PCDH11X: variants seen among roughly 807,000 people sequenced by gnomAD.
PCDH11X encodes the protein protocadherin-11 X-linked.
In PCDH11X, 18 loss-of-function variants were observed where a neutral mutation model predicts 53.3. The observed-to-expected ratio is 0.34, with a 90% confidence interval of 0.23 to 0.50. The LOEUF (loss-of-function observed/expected upper bound fraction) is 0.50, where lower values mean the gene tolerates loss of function less well. Ranked by LOEUF, PCDH11X falls within the 20% of genes least tolerant of loss-of-function variation. PCDH11X has a pLI of 0.98. For missense variants in PCDH11X, 570 were observed against 1,032.4 expected, an observed-to-expected ratio of 0.55 and a Z score of 6.14; for synonymous variants, 279 against 393.3, an observed-to-expected ratio of 0.71 and a Z score of 3.44.
At chrX:92,265,634 C>CAT (rs754146890) in intron 8 of PCDH11X, among the ~76,000 whole-genome samples, 2 of 110,990 alleles carry the variant, frequency 1.8e-5, no homozygotes, top group South Asian at 7.6e-4. Flanking sequence ...TGTGTATACA[C>CAT]ATATATATAC....
chrX:92,167,157 A>G (rs2065748755), intron 6 of PCDH11X, among the ~76,000 whole-genome samples: 1 of 110,985 alleles, frequency 9.0e-6, no homozygotes, highest in Non-Finnish European at 1.9e-5. Flanking sequence ...AATATGAAGT[A>G]CTATATTAAT....
At position 92,016,490 on chromosome X, in the gene PCDH11X, G is replaced by A. The variant is rs757702732; in HGVS notation, c.3033+137217G>A. 1.4e-4 allele frequency among the ~76,000 whole-genome samples: 15 copies of A among 110,764 alleles called. No individual in the cohort carries two copies. The South Asian group carries it at 5.8e-3, about 43-fold the overall frequency. ...TTAATTATCTTAGCTAGATCTTCCGGATAACTTGCTGCAGCTTCTTTATAA... is the reference window on the plus strand; with the variant it reads ...TTAATTATCTTAGCTAGATCTTCCGAATAACTTGCTGCAGCTTCTTTATAA... On this transcript the variant is annotated intron_variant, in intron 6 of 10. Transcript: ENST00000682573.
At chrX:91,948,770 G>A (rs1413906501) in intron 6 of PCDH11X, among the ~76,000 whole-genome samples, 1 of 110,109 alleles carries the variant, frequency 9.1e-6, no homozygotes, top group Non-Finnish European at 1.9e-5. Flanking sequence ...GATATCCAAG[G>A]AGCAGCATGG....
intron 10 of PCDH11X, among the ~76,000 whole-genome samples, chrX:92,504,782 C>T (rs768780810): frequency 3.4e-4 from 38 of 111,768 alleles, no homozygotes; most frequent in Non-Finnish European, 6.0e-4. Context: ...TATGCATTCC[C>T]TTTTCTCTGC....
chrX:92,058,265 A>T (rs944516754), intron 6 of PCDH11X, among the ~76,000 whole-genome samples: 1 of 110,474 alleles, frequency 9.1e-6, no homozygotes, highest in African/African-American at 3.3e-5. Context: ...GGAAGGATGG[A>T]AGGGGATTGA....
Position 91,906,292 on chromosome X carries a change from A to C in PCDH11X, c.3033+27019A>C, listed in dbSNP as rs1414590461. 4.5e-5 allele frequency among the ~76,000 whole-genome samples: 5 copies of C among 111,412 alleles called. No homozygotes were observed. In the East Asian group the frequency reaches 1.4e-3, roughly 31 times the overall value. On this transcript the variant is annotated intron_variant, in intron 6 of 10. Transcript: ENST00000682573. ...GAAACAAATAAGCAATTATACACTG[A>C]GGATTCTTTAGCATCTTCCCATTTT...
chrX:92,109,516 G>T (rs1262198551), intron 6 of PCDH11X, among the ~76,000 whole-genome samples: 1 of 111,539 alleles, frequency 9.0e-6, no homozygotes, highest in African/African-American at 3.3e-5. Context: ...TCACAGAACT[G>T]GTTGAGCCAG....
At chrX:92,230,643 TTCTC>T (rs1837118895) in intron 7 of PCDH11X, among the ~76,000 whole-genome samples, 1 of 99,863 alleles carries the variant, frequency 1.0e-5, no homozygotes. Context: ...GCAATTGCCT[TTCTC>T]TACACAGAAG....
intron 8 of PCDH11X, among the ~76,000 whole-genome samples, chrX:92,298,788 G>C (rs1190357643): frequency 9.0e-6 from 1 of 110,895 alleles, no homozygotes; most frequent in Admixed American, 9.7e-5. Flanking sequence ...ATGAACTAGG[G>C]GGGAAGAGAG....
At chrX:92,286,914 G>C (rs1280504825) in intron 8 of PCDH11X, among the ~76,000 whole-genome samples, 1 of 95,927 alleles carries the variant, frequency 1.0e-5, no homozygotes, top group Non-Finnish European at 2.1e-5. Flanking sequence ...TATCTCACTG[G>C]GTTATTGTAA....
In PCDH11X at chrX:92,254,201, G is replaced by A. The variant is rs758748461; in HGVS notation, c.3115-8913G>A. ...AATGATCATATGGTTTTTGTCTATC[G>A]TTCTGTTGATACAATGTATCACATT... is the stretch of plus-strand genomic sequence containing the variant. On this transcript the variant is annotated intron_variant, in intron 7 of 10. Transcript: ENST00000682573. 1.3e-4 allele frequency among the ~76,000 whole-genome samples: 15 copies of A among 111,732 alleles called. No individual in the cohort carries two copies. The East Asian group carries it at 2.0e-3, about 15-fold the overall frequency.
At chrX:92,100,909 TG>T (rs1384011445) in intron 6 of PCDH11X, among the ~76,000 whole-genome samples, 2 of 110,618 alleles carry the variant, frequency 1.8e-5, no homozygotes, top group African/African-American at 6.6e-5. Context: ...AAGAAACATT[TG>T]TTGTATAGAA....
At chrX:91,932,677 TG>T (rs2061401687) in intron 6 of PCDH11X, among the ~76,000 whole-genome samples, 1 of 102,218 alleles carries the variant, frequency 9.8e-6, no homozygotes, top group African/African-American at 3.7e-5. Flanking sequence ...TGTGAGTGTG[TG>T]TGTGTGTGTG....
At chrX:91,857,347 G>A (rs1260656494) in intron 5 of PCDH11X, among the ~76,000 whole-genome samples, 1 of 111,229 alleles carries the variant, frequency 9.0e-6, no homozygotes, top group Non-Finnish European at 1.9e-5. Flanking sequence ...TTGAAATTTG[G>A]GTGGGGACAC....
chrX:92,397,931 C>T (rs1603299967), intron 9 of PCDH11X, among the ~76,000 whole-genome samples: 6 of 111,489 alleles, frequency 5.4e-5, no homozygotes, highest in African/African-American at 1.6e-4. Context: ...GAACAGGATA[C>T]ATTGAAAAAT....
intron 6 of PCDH11X, among the ~76,000 whole-genome samples, chrX:92,025,222 AC>A (rs1370176170): frequency 1.8e-5 from 2 of 109,972 alleles, no homozygotes; most frequent in African/African-American, 6.6e-5. Context: ...TCTGCAATCT[AC>A]CCATCTGACA....
At chrX:91,937,479 C>T (rs1312935230) in intron 6 of PCDH11X, among the ~76,000 whole-genome samples, 3 of 111,027 alleles carry the variant, frequency 2.7e-5, no homozygotes, top group Non-Finnish European at 5.7e-5. Context: ...AAAATGTAGA[C>T]GGTCTGCATA....
intron 5 of PCDH11X, among the ~76,000 whole-genome samples, chrX:91,851,367 CATAAA>C (rs201487275): frequency 0.01 from 1,157 of 111,897 alleles, 16 homozygotes; most frequent in African/African-American, 0.036. Flanking sequence ...GTAACTTAAA[CATAAA>C]ATAAAAAGAG....
intron 6 of PCDH11X, among the ~76,000 whole-genome samples, chrX:92,146,578 A>T (rs2065270005): frequency 8.9e-6 from 1 of 111,911 alleles, no homozygotes; most frequent in African/African-American, 3.2e-5. Flanking sequence ...AATTACCCTG[A>T]TATTTCTTCG....
Sources: allele counts gnomAD v4.1 joint callset (sites outside exome capture counted in the v4.1 genomes callset), GRCh38; gene constraint gnomAD v4.1.1; transcripts MANE v1.5; gene names NCBI Gene and HGNC (gene_info 2026-07-23, HGNC 2026-07-21).